The following RYR3 variants were observed in gnomAD, a reference collection of about 807,000 sequenced individuals.
RYR3 encodes brain ryanodine receptor-calcium release channel.
RYR3 carries 207 observed loss-of-function variants against 584.3 expected under a neutral mutation model. The ratio of observed to expected loss-of-function variants is 0.35; its 90% CI spans 0.32 to 0.40. The LOEUF is 0.40. Among genes scored for constraint, RYR3 ranks in the 10% least tolerant of loss-of-function variants. The probability of loss-of-function intolerance (pLI) is 1.00; values close to 1 mark genes in which losing one functional copy is unlikely to be tolerated. For synonymous variants in RYR3, 2,416 were observed against 2,248.5 expected (o/e 1.07, Z -2.11); for missense variants, 5,616 against 6,089.2 (o/e 0.92, Z 2.59).
At chr15:33,631,003 T>A (rs2061236852) in intron 22 of RYR3, among the ~76,000 whole-genome samples, 1 of 152,192 alleles carries the variant, frequency 6.6e-6, no homozygotes, top group Non-Finnish European at 1.5e-5. Flanking sequence ...CTGGCTTTGC[T>A]CTGTAATCAC....
intron 67 of RYR3, among the ~76,000 whole-genome samples, chr15:33,790,036 G>C (rs918573325): frequency 8.6e-6 from 1 of 115,744 alleles, no homozygotes; most frequent in African/African-American, 3.7e-5. Flanking sequence ...CTGTCACCCA[G>C]GCTGGAGTGC....
chr15:33,455,691 C>T (rs528106071), intron 1 of RYR3, among the ~76,000 whole-genome samples: 5 of 152,144 alleles, frequency 3.3e-5, no homozygotes, highest in East Asian at 1.9e-4. Flanking sequence ...GTAGAACAAA[C>T]GGGTACAGCT....
At chr15:33,386,661 A>G (rs1183651896) in intron 1 of RYR3, among the ~76,000 whole-genome samples, 1 of 152,114 alleles carries the variant, frequency 6.6e-6, no homozygotes, top group Non-Finnish European at 1.5e-5. Flanking sequence ...GAAACTCTCT[A>G]TCCATTAAAT....
At chr15:33,676,095 A>G (rs2064159644) in intron 38 of RYR3, among the ~76,000 whole-genome samples, 1 of 152,160 alleles carries the variant, frequency 6.6e-6, no homozygotes, top group African/African-American at 2.4e-5. Flanking sequence ...CGATTATTGG[A>G]GTTGACCCAA....
intron 1 of RYR3, among the ~76,000 whole-genome samples, chr15:33,434,307 T>C (rs942411037): frequency 2.0e-5 from 3 of 152,128 alleles, no homozygotes; most frequent in African/African-American, 7.2e-5. Flanking sequence ...AAGTTTGCTC[T>C]GCAAATCACC....
intron 64 of RYR3, among the ~76,000 whole-genome samples, chr15:33,774,900 C>T (rs937916334): frequency 2.6e-5 from 4 of 151,994 alleles, no homozygotes; most frequent in African/African-American, 9.7e-5. Flanking sequence ...TTTATTTCTC[C>T]CACTGAGCAT....
chr15:33,775,775 C>T (rs921314311), intron 64 of RYR3, among the ~76,000 whole-genome samples: 5 of 152,308 alleles, frequency 3.3e-5, no homozygotes, highest in East Asian at 3.9e-4. Flanking sequence ...TGGCCCCACA[C>T]GCATGCTGCC....
intron 16 of RYR3, among the ~76,000 whole-genome samples, chr15:33,588,127 C>G (rs2058949725): frequency 6.6e-6 from 1 of 152,220 alleles, no homozygotes; most frequent in Non-Finnish European, 1.5e-5. Flanking sequence ...CCAGTTATTG[C>G]TGTCAGTGTT....
At chr15:33,444,701 AC>A (rs1467456046) in intron 1 of RYR3, among the ~76,000 whole-genome samples, 1 of 152,166 alleles carries the variant, frequency 6.6e-6, no homozygotes, top group Non-Finnish European at 1.5e-5. Context: ...TGGGTCAACC[AC>A]CCACACAGCA....
At chr15:33,705,784 G>A (rs1319458940) in intron 42 of RYR3, among the ~76,000 whole-genome samples, 1 of 152,210 alleles carries the variant, frequency 6.6e-6, no homozygotes, top group African/African-American at 2.4e-5. Context: ...TGCAGAACGA[G>A]AGTAGACACC....
chr15:33,337,975 C>T (rs1479728351), intron 1 of RYR3, among the ~76,000 whole-genome samples: 1 of 122,682 alleles, frequency 8.2e-6, no homozygotes, highest in Non-Finnish European at 1.6e-5. Context: ...GACTGAGTCT[C>T]ACTCTGTCGC....
At chr15:33,452,772 T>A (rs1233834096) in intron 1 of RYR3, among the ~76,000 whole-genome samples, 3 of 152,204 alleles carry the variant, frequency 2.0e-5, no homozygotes, top group African/African-American at 4.8e-5. Flanking sequence ...CCAAACAGTC[T>A]GATTTCAGAA....
chr15:33,629,339 A>C (rs1421783813), intron 21 of RYR3, among the ~76,000 whole-genome samples: 1 of 152,256 alleles, frequency 6.6e-6, no homozygotes, highest in Non-Finnish European at 1.5e-5. Context: ...GATGTACTAA[A>C]AGTGTAAAAT....
chr15:33,663,769 C>T, intron 36 of RYR3, 32 bp downstream of exon 36: 1 of 1,557,828 alleles, frequency 6.4e-7, no homozygotes, highest in Non-Finnish European at 8.7e-7. Flanking sequence ...CTGTCCAGTT[C>T]CTATGGAAGA....
At chr15:33,839,053 C>A in intron 89 of RYR3, 95 bp downstream of exon 89, 1 of 1,432,068 alleles carries the variant, frequency 7.0e-7, no homozygotes, top group Non-Finnish European at 9.4e-7. Flanking sequence ...TCCCTAGGAG[C>A]CAACACTCTA....
chr15:33,734,688 C>CTTTT (rs11343337), intron 48 of RYR3, among the ~76,000 whole-genome samples: 4 of 91,834 alleles, frequency 4.4e-5, no homozygotes, highest in African/African-American at 9.2e-5. Flanking sequence ...ATTTTTTTTT[C>CTTTT]TTTTTTTTTT....
chr15:33,572,757 C>A (rs749972955), intron 12 of RYR3, among the ~76,000 whole-genome samples: 38 of 151,626 alleles, frequency 2.5e-4, no homozygotes, highest in Non-Finnish European at 5.0e-4. Flanking sequence ...GGCGAATCAC[C>A]TGAGGTCGGG....
At chr15:33,840,678 G>T in intron 89 of RYR3, 147 bp from the exon 90 acceptor site, 2 of 698,814 alleles carry the variant, frequency 2.9e-6, no homozygotes, top group South Asian at 3.5e-5. Flanking sequence ...TATATAGCAG[G>T]ACACTTATGT....
At position 33,726,447 on chromosome 15, in the gene RYR3, C is replaced by A; in HGVS notation, c.6974C>A (p.Pro2325His). The stretch of plus-strand genomic sequence containing the variant: ...AGGTCCATCCTGCGCTCCCTGGTCC[C>A]CACAGAAGACCTGGTTGGGATCATC... The part of the protein sequence containing the change: ...RIRSILRSLV[P>H]TEDLVGIISI... The change falls in exon 46 of 104, where the codon CCC (proline) becomes CAC (histidine). Residue 2325 changes from proline to histidine, a missense_variant. By Grantham distance (77) the Pro-to-His change is moderately conservative. Transcript: ENST00000634891. 1 of 1,610,124 alleles carries A rather than the reference C, an allele frequency of 6.2e-7. No individual in the cohort carries two copies. Among genetic ancestry groups the A allele is most frequent in the East Asian group, 2.2e-5 (1 of 44,754 alleles).
Sources: allele counts gnomAD v4.1 joint callset (sites outside exome capture counted in the v4.1 genomes callset), GRCh38; gene constraint gnomAD v4.1.1; transcripts MANE v1.5; gene names NCBI Gene and HGNC (gene_info 2026-07-23, HGNC 2026-07-21).